The following TCEA2 variants were observed in gnomAD, a reference collection of about 807,000 sequenced individuals.
TCEA2 encodes the protein transcription elongation factor A protein 2.
In TCEA2, 21 loss-of-function variants were observed where a neutral mutation model predicts 40.8. The observed-to-expected ratio is 0.51, with a 90% CI of 0.36 to 0.74. TCEA2 has a LOEUF of 0.74. Among genes scored for constraint, TCEA2 ranks in the 30% least tolerant of loss-of-function variants. The pLI is 0.00. For synonymous variants in TCEA2, 165 were observed against 162.7 expected (o/e 1.01, Z -0.11); for missense variants, 326 against 426.5 (o/e 0.76, Z 2.08).
At chr20:64,069,310 G>C in intron 4 of TCEA2, 51 bp from the exon 5 acceptor site, 1 of 1,522,316 alleles carries the variant, frequency 6.6e-7, no homozygotes, top group South Asian at 1.2e-5. Flanking sequence ...GTGTCTCGCT[G>C]GGGTGCCTGC....
rs368904490 is a variant in TCEA2 at position 64,067,049 on chromosome 20, C to G, written c.241+29C>G. ...CGGCTCAGGCGGTGCCCACTGAGTG[C>G]TGGGGCAGGGGTCCCAGAAGTGCTG... is the stretch of plus-strand genomic sequence containing the variant. On this transcript the variant is annotated intron_variant, in intron 3 of 9. Coordinates refer to ENST00000343484, the MANE Select transcript of TCEA2 (RefSeq NM_003195.6). 6.3e-6 allele frequency: 10 copies of G among 1,584,782 alleles called. No individual in the cohort carries two copies. In the African/African-American group the frequency reaches 1.4e-4, roughly 21 times the overall value.
intron 5 of TCEA2, 131 bp from the exon 6 acceptor site, chr20:64,069,634 C>T: frequency 2.6e-6 from 4 of 1,530,458 alleles, no homozygotes; most frequent in Non-Finnish European, 3.5e-6. Context: ...GGGCTAGGGG[C>T]CTGTGCCTGG....
At chr20:64,069,149 C>T (rs1222019607) in intron 4 of TCEA2, among the ~76,000 whole-genome samples, 1 of 152,214 alleles carries the variant, frequency 6.6e-6, no homozygotes. Flanking sequence ...ACCTCATGGC[C>T]CTCTCCCTCC....
chr20:64,071,528 C>T (rs1409902331), intron 8 of TCEA2, among the ~76,000 whole-genome samples: 2 of 152,156 alleles, frequency 1.3e-5, no homozygotes, highest in Non-Finnish European at 2.9e-5. Flanking sequence ...TGCCTGTGGC[C>T]GGAGGCTCAC....
chr20:64,070,137 A>G (rs1232617084), intron 6 of TCEA2, 123 bp from the exon 7 acceptor site: 9 of 1,444,372 alleles, frequency 6.2e-6, no homozygotes, highest in Non-Finnish European at 7.6e-6. Flanking sequence ...GGGTGGGCAG[A>G]CCGACCCCTG....
Position 64,066,803 on chromosome 20 carries a change from C to T in TCEA2, c.136-112C>T, listed in dbSNP as rs1327985934. On this transcript the variant is annotated intron_variant, in intron 2 of 9. Transcript: ENST00000343484. ...TCGCCATTGGGAGAGGCCTCTACCT[C>T]CCTGGGAGGTCCCGGGCTCCTGTCC... 4.5e-6 allele frequency: 5 copies of T among 1,103,482 alleles called. No individual in the cohort carries two copies. The African/African-American group carries it at 6.2e-5, about 14-fold the overall frequency. 68.4% of individuals were successfully genotyped at this position (1,103,482 alleles called of 1,614,324 possible).
chr20:64,071,495 C>T (rs1264369316), intron 8 of TCEA2, among the ~76,000 whole-genome samples: 1 of 152,222 alleles, frequency 6.6e-6, no homozygotes, highest in East Asian at 1.9e-4. Flanking sequence ...CTCCTGCTCC[C>T]AGCCACTGGT....
intron 3 of TCEA2, 100 bp downstream of exon 3, chr20:64,067,120 T>C (rs2059713796): frequency 3.1e-6 from 4 of 1,284,870 alleles, no homozygotes; most frequent in Middle Eastern, 1.8e-4. Flanking sequence ...GTGTCCACCC[T>C]GAGCCAGGTC....
At chr20:64,071,707 C>G (rs185460210) in intron 8 of TCEA2, among the ~76,000 whole-genome samples, 163 bp from the exon 9 acceptor site, 3 of 152,340 alleles carry the variant, frequency 2.0e-5, no homozygotes, top group Admixed American at 6.5e-5. Context: ...CTGTCTCCCT[C>G]CCCCGGAGGC....
upstream of TCEA2, among the ~76,000 whole-genome samples, chr20:64,061,961 T>C (rs1472334387): frequency 1.3e-5 from 2 of 151,898 alleles, no homozygotes; most frequent in African/African-American, 4.8e-5. Context: ...ACTCCTGACC[T>C]CAGGTGATCC....
At chr20:64,063,411 C>G (rs1436381920) in intron 1 of TCEA2, 27 bp downstream of exon 1, 4 of 1,538,012 alleles carry the variant, frequency 2.6e-6, no homozygotes, top group South Asian at 1.2e-5. Context: ...GCCAGGACCC[C>G]GGGAACCCCG....
Position 64,070,578 on chromosome 20 carries a change from GCAGA to G in TCEA2, c.768_771del (p.Asp257CysfsTer26). ...ACCAGATGGCCCGCACTGGCGGCAC[GCAGA>G]CAGACCTGTTCACCTGCGGCAAGTG... On this transcript the variant is annotated frameshift_variant, in exon 8 of 10. Coordinates refer to ENST00000343484, the MANE Select transcript of TCEA2 (RefSeq NM_003195.6). LOFTEE classifies it high-confidence loss of function. 6.2e-7 allele frequency: 1 copy of G among 1,613,546 alleles called. No homozygotes were observed. The highest frequency in any genetic ancestry group is 8.5e-7 in the Non-Finnish European group (1 of 1,179,852).
chr20:64,065,137 G>A (rs2059659040), intron 1 of TCEA2, among the ~76,000 whole-genome samples: 1 of 152,152 alleles, frequency 6.6e-6, no homozygotes, highest in Non-Finnish European at 1.5e-5. Context: ...CCAGGTGTGG[G>A]GGTTTTTTTG....
Position 64,070,469 on chromosome 20 carries a change from C to G in TCEA2, c.673-20C>G, listed in dbSNP as rs1256370421. On this transcript the variant is annotated intron_variant, in intron 7 of 9. Transcript: ENST00000343484. ...TGCTCCCTCGGAGCGGTGGGCTAAG[C>G]CACTGGCCCCGTGCTCCAGGAGATG... 1.2e-6 allele frequency: 2 copies of G among 1,613,528 alleles called. No individual in the cohort carries two copies. The highest frequency in any genetic ancestry group is 1.7e-6 in the Non-Finnish European group (2 of 1,179,816).
rs765021098 is a variant in TCEA2, at chr20:64,066,425, T to C, written c.73-51T>C. ...CTCCAGTAGGCAGAAGGAGGTGATA[T>C]TGTCTGTTGAGATCTAAAGTCCTTT... On this transcript the variant is annotated intron_variant, in intron 1 of 9. Transcript: ENST00000343484. 2.5e-6 allele frequency: 4 copies of C among 1,585,796 alleles called. No homozygotes were observed. The East Asian group carries it at 6.8e-5, about 27-fold the overall frequency.
chr20:64,057,968 C>CA (rs1491420817), intron 1 of TCEA2, among the ~76,000 whole-genome samples: 2 of 152,204 alleles, frequency 1.3e-5, no homozygotes, highest in Non-Finnish European at 2.9e-5. Context: ...CACTGTTCCT[C>CA]ACAGGCTCTG....
chr20:64,072,043 C>T (rs1569257603), intron 9 of TCEA2, 102 bp downstream of exon 9: 2 of 1,595,694 alleles, frequency 1.3e-6, no homozygotes, highest in Admixed American at 1.7e-5. Context: ...ATGGCCCTGC[C>T]CAACCAGCCT....
At chr20:64,071,352 A>C (rs1020872256) in intron 8 of TCEA2, among the ~76,000 whole-genome samples, 3 of 151,818 alleles carry the variant, frequency 2.0e-5, no homozygotes, top group African/African-American at 7.3e-5. Flanking sequence ...CGTCTTTAAA[A>C]AAAAAAAAAA....
intron 6 of TCEA2, 112 bp downstream of exon 6, chr20:64,069,933 AC>A (rs1231315775): frequency 1.5e-6 from 2 of 1,369,694 alleles, no homozygotes; most frequent in Non-Finnish European, 2.0e-6. Flanking sequence ...TCCAGGGGTC[AC>A]CTGCCTGGGT....
Sources: gnomAD v4.1 joint callset for allele counts (sites outside exome capture counted in the v4.1 genomes callset) on GRCh38, gnomAD v4.1.1 for gene constraint, MANE v1.5 for transcripts, NCBI Gene and HGNC (gene_info 2026-07-23, HGNC 2026-07-21) for gene names.